METTL26: variants seen among roughly 807,000 people sequenced by gnomAD.
METTL26 encodes methyltransferase-like 26.
In METTL26, 28 loss-of-function variants were observed where a neutral mutation model predicts 24.7. That is an observed-to-expected ratio of 1.13 (90% CI 0.84 to 1.55). The LOEUF is 1.55. METTL26 is among the 40% of genes most tolerant of loss of function. The pLI, the probability that METTL26 is intolerant of heterozygous loss-of-function variation, is 0.00. For missense variants in METTL26, 344 were observed against 281.2 expected, an observed-to-expected ratio of 1.22 and a Z score of -1.60; for synonymous variants, 165 against 125.2, an observed-to-expected ratio of 1.32 and a Z score of -2.12.
Position 634,748 on chromosome 16 carries a change from T to G in METTL26, c.538A>C (p.Lys180Gln). The part of the protein sequence containing the change: ...RDTALLEDLG[K>Q]ASGLLLERMV... Reference sequence around the variant, plus strand: ...CTCTCCAGGAGCAGGCCACTGGCCTTTCCCAGGTCCTCCAGGAGGGCTGTG... The same window carrying G: ...CTCTCCAGGAGCAGGCCACTGGCCTGTCCCAGGTCCTCCAGGAGGGCTGTG... The change falls in exon 5 of 6, where the codon AAG becomes CAG. Residue 180 changes from lysine (K) to glutamine (Q), a missense_variant. Coordinates refer to ENST00000301686, the MANE Select transcript of METTL26 (RefSeq NM_032366.5). The G allele has an allele frequency of 6.2e-7, 1 of 1,612,726 alleles. No individual in the cohort carries two copies. The highest frequency in any genetic ancestry group is 2.2e-5 in the East Asian group (1 of 44,884).
At chr16:635,853 G>T (rs921884123) in intron 1 of METTL26, 79 bp from the exon 2 acceptor site, 2 of 1,457,490 alleles carry the variant, frequency 1.4e-6, no homozygotes, top group Admixed American at 2.3e-5. Context: ...TTTCTTAGGG[G>T]AGGCTGGGGG....
chr16:634,893 A>C lies in METTL26; in HGVS notation c.484T>G (p.Cys162Gly). ...CCCCCCGCCTCTAGCTCTGACCTGC[A>C]TCTGAGCATCAGGTCAAAGTCCACG... The part of the protein sequence containing the change: ...SNVDFDLMLR[C>G]RNPEWGLRDT... Residue 162 changes from cysteine (C) to glycine (G), a missense_variant, in exon 4 of 6, where the codon TGC becomes GGC. Physicochemically the swap from Cys to Gly is radical, Grantham distance 159. Transcript: ENST00000301686. 1.2e-6 allele frequency: 2 copies of C among 1,601,810 alleles called. No homozygotes were observed. The highest frequency in any genetic ancestry group is 1.1e-5 in the South Asian group (1 of 89,570).
rs764867078 is a variant in METTL26 at position 634,805 on chromosome 16, G to C, written c.489-8C>G. The C allele has an allele frequency of 4.4e-6, 7 of 1,606,606 alleles. No individual in the cohort carries two copies. Among genetic ancestry groups the C allele is most frequent in the Middle Eastern group, 1.7e-4 (1 of 6,054 alleles). On this transcript the variant is annotated splice_region_variant and splice_polypyrimidine_tract_variant and intron_variant, in intron 4 of 5. Coordinates refer to ENST00000301686, the MANE Select transcript of METTL26 (RefSeq NM_032366.5). ...AGCCCCCATTCTGGGTTCCTGCAGA[G>C]GGTGGGGAGATGGAGTCATGGCCTG...
At chr16:635,201 A>T in intron 3 of METTL26, 80 bp downstream of exon 3, 16 of 1,496,808 alleles carry the variant, frequency 1.1e-5, no homozygotes, top group Non-Finnish European at 1.4e-5. Flanking sequence ...CAGGGAGCCC[A>T]GGAGGGAGGA....
At chr16:635,556 C>G in intron 2 of METTL26, 56 bp downstream of exon 2, 1 of 1,541,914 alleles carries the variant, frequency 6.5e-7, no homozygotes, top group Non-Finnish European at 8.7e-7. Context: ...TCCCAGCTGC[C>G]CCCATGCAGG....
chr16:634,642 C>T lies in METTL26; in HGVS notation c.570G>A (p.Val190=). The change falls in exon 6 of 6, where the codon GTG becomes GTA. Residue 190 remains valine, a splice_region_variant and synonymous_variant. Transcript: ENST00000301686. ...GGCATTTGTTGTTGGCTGGCATGTC[C>T]ACCTGGAGAAACACTTTGCTGGAGG... is the stretch of plus-strand genomic sequence containing the variant. ...KASGLLLERM[V]DMPANNKCLI... is the part of the protein sequence containing the mutation. 2 of 1,613,220 alleles carry T rather than the reference C, an allele frequency of 1.2e-6. No individual in the cohort carries two copies. Among genetic ancestry groups the T allele is most frequent in the African/African-American group, 1.3e-5 (1 of 75,046 alleles).
intron 1 of METTL26, 118 bp from the exon 2 acceptor site, chr16:635,892 C>A: frequency 1.4e-6 from 2 of 1,393,576 alleles, no homozygotes; most frequent in Non-Finnish European, 1.9e-6. Context: ...ACCAAAGCGG[C>A]TGGGAAGGGG....
rs1437336227 is a variant in METTL26 at position 634,940 on chromosome 16, C to T, written c.437G>A (p.Gly146Glu). Residue 146 changes from glycine (G) to glutamate (E), a missense_variant, in exon 4 of 6, where the codon GGG becomes GAG. Gly to Glu is a moderately conservative substitution (Grantham distance 98). Coordinates refer to ENST00000301686, the MANE Select transcript of METTL26 (RefSeq NM_032366.5). Reference protein sequence around the residue: ...LITYGPYAINGKISPQSNVDF... With the variant: ...LITYGPYAINEKISPQSNVDF... ...CACGTTGCTCTGGGGGGAGATCTTC[C>T]CATTGATGGCATAGGGCTGTGGGCA... is the stretch of plus-strand genomic sequence containing the variant. 1 of 1,605,698 alleles carries T rather than the reference C, an allele frequency of 6.2e-7. No individual in the cohort carries two copies. Among genetic ancestry groups the T allele is most frequent in the Non-Finnish European group, 8.5e-7 (1 of 1,176,648 alleles).
Position 635,616 on chromosome 16 carries a change from G to A in METTL26, c.356C>T (p.Thr119Met). ...CATGCTGGGCTCCCCACAGACCTCCGTGCAGCGCAGGGGGCTGACATGGGC... is the reference window on the plus strand; with the variant it reads ...CATGCTGGGCTCCCCACAGACCTCCATGCAGCGCAGGGGGCTGACATGGGC... The part of the protein sequence containing the change: ...NMAHVSPLRC[T>M]EGLFRAAGHL... The change falls in exon 2 of 6, where the codon ACG (threonine) becomes ATG (methionine). Residue 119 changes from threonine to methionine, a missense_variant. By Grantham distance (81) the Thr-to-Met change is moderately conservative. Transcript: ENST00000301686. 2 of 1,549,484 alleles carry A rather than the reference G, an allele frequency of 1.3e-6. No individual in the cohort carries two copies. Among genetic ancestry groups the A allele is most frequent in the East Asian group, 4.9e-5 (2 of 40,936 alleles).
At position 634,635 on chromosome 16, in the gene METTL26, G is replaced by C. The variant is rs779751719; in HGVS notation, c.577C>G (p.Pro193Ala). 1 of 1,613,274 alleles carries C rather than the reference G, an allele frequency of 6.2e-7. No individual in the cohort carries two copies. The highest frequency in any genetic ancestry group is 8.5e-7 in the Non-Finnish European group (1 of 1,179,980). The change falls in exon 6 of 6, where the codon CCA (proline) becomes GCA (alanine). Residue 193 changes from proline to alanine, a missense_variant. By Grantham distance (27) the Pro-to-Ala change is conservative (BLOSUM62 -1). Coordinates refer to ENST00000301686, the MANE Select transcript of METTL26 (RefSeq NM_032366.5). ...GLLLERMVDM[P>A]ANNKCLIFRK... is the part of the protein sequence containing the mutation. ...AAGATCAGGCATTTGTTGTTGGCTGGCATGTCCACCTGGAGAAACACTTTG... is the reference window on the plus strand; with the variant it reads ...AAGATCAGGCATTTGTTGTTGGCTGCCATGTCCACCTGGAGAAACACTTTG...
At position 635,696 on chromosome 16, in the gene METTL26, C is replaced by T. The variant is rs745382576; in HGVS notation, c.276G>A (p.Glu92=). The T allele has an allele frequency of 5.1e-6, 8 of 1,562,612 alleles. No homozygotes were observed. The highest frequency in any genetic ancestry group is 1.7e-4 in the Middle Eastern group (1 of 5,976). ...ACTGTGGCAGGATCCCGCCCCAGTGCTCCCAGCCCCACGTCACGTCCAGGT... is the reference window on the plus strand; with the variant it reads ...ACTGTGGCAGGATCCCGCCCCAGTGTTCCCAGCCCCACGTCACGTCCAGGT... The part of the protein sequence containing the change: ...PLHLDVTWGW[E]HWGGILPQSL... Residue 92 remains glutamate (E), a synonymous_variant, in exon 2 of 6, where the codon GAG becomes GAA. Coordinates refer to ENST00000301686, the MANE Select transcript of METTL26 (RefSeq NM_032366.5).
Position 635,759 on chromosome 16 carries a change from C to T in METTL26, c.213G>A (p.Thr71=), listed in dbSNP as rs371117389. ...QRCLDSIAAT[T]QAQGLTNVKA... Reference sequence around the variant, plus strand: ...TCACGTTGGTCAGGCCCTGGGCTTGCGTGGTGGCCGCGATGCTGCAGGAGG... The same window carrying T: ...TCACGTTGGTCAGGCCCTGGGCTTGTGTGGTGGCCGCGATGCTGCAGGAGG... The change falls in exon 2 of 6, where the codon ACG becomes ACA. Residue 71 remains threonine, a synonymous_variant. Transcript: ENST00000301686. 3.7e-5 allele frequency: 58 copies of T among 1,568,548 alleles called. No homozygotes were observed. In the African/African-American group the frequency reaches 6.4e-4, roughly 17 times the overall value.
chr16:634,493 G>C lies in METTL26; in HGVS notation c.*104C>G, dbSNP rs1425570937. ...CCTTCGGCCAGCGGCTGAGAGCACAGACTGGGTGGGGCTGTCGTCCACAAG... is the reference window on the plus strand; with the variant it reads ...CCTTCGGCCAGCGGCTGAGAGCACACACTGGGTGGGGCTGTCGTCCACAAG... On this transcript the variant is annotated 3_prime_UTR_variant, in exon 6 of 6. Coordinates refer to ENST00000301686, the MANE Select transcript of METTL26 (RefSeq NM_032366.5). 6.2e-7 allele frequency: 1 copy of C among 1,600,690 alleles called. No individual in the cohort carries two copies. The highest frequency in any genetic ancestry group is 8.6e-7 in the Non-Finnish European group (1 of 1,169,274).
rs1313871490 is a variant in METTL26, at chr16:635,659, A to G, written c.313T>C (p.Leu105=). ...ACATGGGCCATGTTGATGCAGAGCA[A>G]CAGGTCCAGCGACTGTGGCAGGATC... ...GGILPQSLDL[L]LCINMAHVSP... Residue 105 remains leucine, a synonymous_variant, in exon 2 of 6, where the codon TTG becomes CTG. Transcript: ENST00000301686. 3.2e-6 allele frequency: 5 copies of G among 1,552,548 alleles called. No individual in the cohort carries two copies. The highest frequency in any genetic ancestry group is 4.4e-6 in the Non-Finnish European group (5 of 1,148,296).
chr16:634,841 C>T (rs1213291770), intron 4 of METTL26, 44 bp from the exon 5 acceptor site: 2 of 1,582,622 alleles, frequency 1.3e-6, no homozygotes, highest in African/African-American at 1.3e-5. Flanking sequence ...GGGGGTGCCA[C>T]CCAAGCCACC....
intron 3 of METTL26, 75 bp downstream of exon 3, chr16:635,206 G>T: frequency 6.7e-7 from 1 of 1,501,256 alleles, no homozygotes. Flanking sequence ...AGCCCAGGAG[G>T]GAGGACTCTC....
intron 5 of METTL26, 30 bp downstream of exon 5, chr16:634,689 G>C (rs2037034889): frequency 6.2e-7 from 1 of 1,612,976 alleles, no homozygotes; most frequent in Non-Finnish European, 8.5e-7. Flanking sequence ...CCCCTAGAGA[G>C]GTTGCCTGGG....
rs1351859712 is a variant in METTL26, at chr16:634,914, C to G, written c.463G>C (p.Asp155His). The G allele has an allele frequency of 6.2e-7, 1 of 1,605,776 alleles. No individual in the cohort carries two copies. Residue 155 changes from aspartate to histidine, a missense_variant, in exon 4 of 6, where the codon GAC becomes CAC. Physicochemically the swap from Asp to His is moderately conservative, Grantham distance 81. Transcript: ENST00000301686. ...NGKISPQSNV[D>H]FDLMLRCRNP... ...CTGCATCTGAGCATCAGGTCAAAGT[C>G]CACGTTGCTCTGGGGGGAGATCTTC...
At position 634,450 on chromosome 16, in the gene METTL26, A is replaced by T; in HGVS notation, c.*147T>A. The stretch of plus-strand genomic sequence containing the variant: ...GCAAGCCGGCAGCAGGACATGCTTT[A>T]TTCTGAGCAGGCTGGGCCCTTCGGC... On this transcript the variant is annotated 3_prime_UTR_variant, in exon 6 of 6. Transcript: ENST00000301686. 3 of 1,482,780 alleles carry T rather than the reference A, an allele frequency of 2.0e-6. No homozygotes were observed. Among genetic ancestry groups the T allele is most frequent in the Non-Finnish European group, 2.8e-6 (3 of 1,065,696 alleles). 91.9% of individuals were successfully genotyped at this position (1,482,780 alleles called of 1,614,324 possible). A position where few individuals can be genotyped will look rare whatever the true frequency, so the allele number is the denominator to read the frequency against.
Sources: allele counts gnomAD v4.1 joint callset, GRCh38; gene constraint gnomAD v4.1.1; transcripts MANE v1.5; gene names NCBI Gene and HGNC (gene_info 2026-07-23, HGNC 2026-07-21).